The following TC2N variants were observed in gnomAD, a reference collection of about 807,000 sequenced individuals.
TC2N encodes the protein tandem C2 domains, nuclear.
A neutral mutation model predicts 61.9 loss-of-function variants in TC2N; 51 were observed. That is an observed-to-expected ratio of 0.82 (90% CI 0.66 to 1.04). TC2N has a LOEUF of 1.04. TC2N is among the 50% of genes least tolerant of loss of function. The pLI is 0.00. For synonymous variants in TC2N, 204 were observed against 192.6 expected (o/e 1.06, Z -0.49); for missense variants, 556 against 566.7 (o/e 0.98, Z 0.19).
chr14:91,820,283 A>G (rs144278387), intron 1 of TC2N, among the ~76,000 whole-genome samples: 74 of 152,236 alleles, frequency 4.9e-4, no homozygotes, highest in African/African-American at 1.7e-3. Flanking sequence ...ATCATAACCA[A>G]GCAAGATTTA....
intron 1 of TC2N, among the ~76,000 whole-genome samples, chr14:91,818,880 C>T (rs1392119119): frequency 1.3e-5 from 2 of 152,012 alleles, no homozygotes; most frequent in East Asian, 1.9e-4. Flanking sequence ...GCATCTGTGA[C>T]TCATGGGACA....
intron 1 of TC2N, among the ~76,000 whole-genome samples, chr14:91,854,918 T>C (rs1482912405): frequency 6.6e-6 from 1 of 152,132 alleles, no homozygotes; most frequent in Non-Finnish European, 1.5e-5. Flanking sequence ...AACTCACCTC[T>C]CCCTTCTGAG....
intron 1 of TC2N, among the ~76,000 whole-genome samples, chr14:91,864,940 C>T (rs922405811): frequency 1.3e-5 from 2 of 152,018 alleles, no homozygotes; most frequent in Admixed American, 1.3e-4. Context: ...GCCACCACTC[C>T]CACCTAATTT....
At chr14:91,862,544 A>T (rs1888614142) in intron 1 of TC2N, among the ~76,000 whole-genome samples, 1 of 152,168 alleles carries the variant, frequency 6.6e-6, no homozygotes, top group Non-Finnish European at 1.5e-5. Flanking sequence ...GAAAATTAAG[A>T]TCAAGAGCAG....
intron 1 of TC2N, among the ~76,000 whole-genome samples, chr14:91,858,402 C>G (rs1358051962): frequency 2.0e-5 from 3 of 152,010 alleles, no homozygotes; most frequent in Non-Finnish European, 4.4e-5. Flanking sequence ...ATGACTTGCC[C>G]TAGGTCACAC....
chr14:91,865,993 ACTGTCTATC>A (rs1888694304), intron 1 of TC2N, among the ~76,000 whole-genome samples: 2 of 152,214 alleles, frequency 1.3e-5, no homozygotes, highest in African/African-American at 4.8e-5. Flanking sequence ...TTATCGGTGG[ACTGTCTATC>A]CTGTTCATGT....
intron 4 of TC2N, among the ~76,000 whole-genome samples, chr14:91,801,490 C>T (rs1333669587): frequency 6.6e-6 from 1 of 152,024 alleles, no homozygotes; most frequent in Non-Finnish European, 1.5e-5. Context: ...CCCATCTCTA[C>T]AAAAAAATTC....
At chr14:91,833,243 T>G (rs1887865913) in intron 1 of TC2N, among the ~76,000 whole-genome samples, 1 of 152,170 alleles carries the variant, frequency 6.6e-6, no homozygotes, top group East Asian at 1.9e-4. Context: ...TGAAATAATT[T>G]CTCATTTAAG....
chr14:91,785,376 A>C lies in TC2N; in HGVS notation c.1163-15T>G, dbSNP rs1371350146. ...CACGAAAAAACCTAAAAAATTAGAA[A>C]TATTGGTTTATAAAATGTTATTCAA... On this transcript the variant is annotated splice_polypyrimidine_tract_variant and intron_variant, in intron 10 of 11. Coordinates refer to ENST00000435962, the MANE Select transcript of TC2N (RefSeq NM_001128596.3). 6.3e-7 allele frequency: 1 copy of C among 1,595,956 alleles called. No individual in the cohort carries two copies. The highest frequency in any genetic ancestry group is 8.6e-7 in the Non-Finnish European group (1 of 1,164,608).
chr14:91,812,120 T>C (rs1386973108), intron 3 of TC2N, 192 bp downstream of exon 3: 3 of 308,046 alleles, frequency 9.7e-6, no homozygotes, highest in Non-Finnish European at 1.7e-5. Flanking sequence ...ATACAAATTA[T>C]TGTATTATGA....
At position 91,844,140 on chromosome 14, in the gene TC2N, T is replaced by C. The variant is rs143998348; in HGVS notation, c.-57+23122A>G. The stretch of plus-strand genomic sequence containing the variant: ...AAGAGTTATCCCATTGCCCTGAGAG[T>C]TGACAGCACTCCAGGGAGGGGACAG... On this transcript the variant is annotated intron_variant, in intron 1 of 11. Coordinates refer to ENST00000435962, the MANE Select transcript of TC2N (RefSeq NM_001128596.3). Among the ~76,000 whole-genome samples, 295 of 151,938 alleles carry C rather than the reference T, an allele frequency of 1.9e-3. 2 individuals carry two copies. Among genetic ancestry groups the C allele is most frequent in the East Asian group, 0.019 (100 of 5,170 alleles).
chr14:91,857,013 C>T (rs981160632), intron 1 of TC2N, among the ~76,000 whole-genome samples: 5 of 152,132 alleles, frequency 3.3e-5, no homozygotes, highest in African/African-American at 7.2e-5. Context: ...TGAGAAAGAG[C>T]GCTAGACCAA....
chr14:91,785,201 G>A lies in TC2N; in HGVS notation c.1323C>T (p.Tyr441=), dbSNP rs755944463. 4 of 1,613,594 alleles carry A rather than the reference G, an allele frequency of 2.5e-6. No homozygotes were observed. The South Asian group carries it at 4.4e-5, about 18-fold the overall frequency. ...EKEIVFLIKL[Y]SRSSVRRKHF... ...GTTTTCTTCTTACAGAGCTTCGACT[G>A]TAAAGCTTAATGAGAAAAACAATTT... The change falls in exon 11 of 12, where the codon TAC becomes TAT. Residue 441 remains tyrosine (Y), a synonymous_variant. Coordinates refer to ENST00000435962, the MANE Select transcript of TC2N (RefSeq NM_001128596.3).
intron 1 of TC2N, among the ~76,000 whole-genome samples, chr14:91,836,770 G>T (rs1041011661): frequency 1.1e-4 from 16 of 152,176 alleles, no homozygotes; most frequent in African/African-American, 3.9e-4. Context: ...GTAAAATGCC[G>T]CCAGGTGTGG....
intron 1 of TC2N, among the ~76,000 whole-genome samples, chr14:91,819,450 A>C (rs1240646415): frequency 6.6e-6 from 1 of 152,178 alleles, no homozygotes; most frequent in East Asian, 1.9e-4. Context: ...CTAGAATTTG[A>C]CACTCAGAGA....
chr14:91,832,579 T>G (rs1269117939), intron 1 of TC2N, among the ~76,000 whole-genome samples: 1 of 152,084 alleles, frequency 6.6e-6, no homozygotes, highest in Non-Finnish European at 1.5e-5. Context: ...TTCAGGTAAT[T>G]ACGAATGTAG....
intron 8 of TC2N, among the ~76,000 whole-genome samples, chr14:91,795,580 A>G (rs1595227714): frequency 6.6e-6 from 1 of 152,314 alleles, no homozygotes; most frequent in East Asian, 1.9e-4. Context: ...TTTTTTAGAA[A>G]TAAAGTATTT....
chr14:91,849,272 G>A (rs1038070952), intron 1 of TC2N, among the ~76,000 whole-genome samples: 16 of 151,938 alleles, frequency 1.1e-4, no homozygotes, highest in African/African-American at 2.9e-4. Context: ...AACCCAAGGC[G>A]GTCAATCAAA....
intron 1 of TC2N, among the ~76,000 whole-genome samples, chr14:91,819,596 A>G (rs190273838): frequency 8.7e-4 from 133 of 152,300 alleles, no homozygotes; most frequent in African/African-American, 2.7e-3. Flanking sequence ...TCTGATAGAA[A>G]TATGAATCTA....
Sources: allele counts gnomAD v4.1 joint callset (sites outside exome capture counted in the v4.1 genomes callset), GRCh38; gene constraint gnomAD v4.1.1; transcripts MANE v1.5; gene names NCBI Gene and HGNC (gene_info 2026-07-23, HGNC 2026-07-21).